JDP2: variants seen among roughly 807,000 people sequenced by gnomAD.
JDP2 encodes the protein Jun dimerization protein 2.
A neutral mutation model predicts 17.1 loss-of-function variants in JDP2; 9 were observed. The ratio of observed to expected loss-of-function variants is 0.53; its 90% CI spans 0.32 to 0.92. The LOEUF is 0.92. Among genes scored for constraint, JDP2 ranks in the 40% least tolerant of loss-of-function variants. JDP2 has a pLI of 0.04. For missense variants in JDP2, 179 were observed against 220.0 expected (o/e 0.81, Z 1.18); for synonymous variants, 107 against 95.6 (o/e 1.12, Z -0.69).
At chr14:75,441,571 G>A (rs141607459) in intron 2 of JDP2, among the ~76,000 whole-genome samples, 1 of 152,320 alleles carries the variant, frequency 6.6e-6, no homozygotes, top group Non-Finnish European at 1.5e-5. Context: ...GATATATAAG[G>A]TGAGTTAGTG....
At position 75,469,648 on chromosome 14, in the gene JDP2, A is replaced by T. The variant is rs1293166202; in HGVS notation, c.*173A>T. Reference sequence around the variant, plus strand: ...TTTGTGAAACTCAGATCAGCCACCCAGGAGGAAGAGCGGGCTGAGGAAACC... The same window carrying T: ...TTTGTGAAACTCAGATCAGCCACCCTGGAGGAAGAGCGGGCTGAGGAAACC... On this transcript the variant is annotated 3_prime_UTR_variant, in exon 4 of 4. Coordinates refer to ENST00000651602, the MANE Select transcript of JDP2 (RefSeq NM_001135048.2). The T allele has an allele frequency of 1.6e-6, 1 of 616,174 alleles. No individual in the cohort carries two copies. The highest frequency in any genetic ancestry group is 2.8e-6 in the Non-Finnish European group (1 of 357,202). The allele number at this position is 616,174 out of a possible 1,614,324, so 38.2% of individuals were successfully genotyped here.
intron 2 of JDP2, among the ~76,000 whole-genome samples, chr14:75,440,457 C>T (rs898260256): frequency 6.6e-6 from 1 of 152,224 alleles, no homozygotes; most frequent in Non-Finnish European, 1.5e-5. Flanking sequence ...GGCAAACTGC[C>T]TTGAGCGGAT....
chr14:75,447,165 G>A (rs544749442), intron 2 of JDP2, among the ~76,000 whole-genome samples: 7 of 152,336 alleles, frequency 4.6e-5, no homozygotes, highest in African/African-American at 1.4e-4. Flanking sequence ...TGGTCTGAGT[G>A]GGGCTGGCAG....
At position 75,461,540 on chromosome 14, in the gene JDP2, C is replaced by T; in HGVS notation, c.306+10C>T. The T allele has an allele frequency of 6.3e-7, 1 of 1,588,530 alleles. No individual in the cohort carries two copies. The highest frequency in any genetic ancestry group is 8.6e-7 in the Non-Finnish European group (1 of 1,168,626). On this transcript the variant is annotated intron_variant, in intron 3 of 3. Coordinates refer to ENST00000651602, the MANE Select transcript of JDP2 (RefSeq NM_001135048.2). ...GGAGTTTCTGCAGCGGGTGAGCTGA[C>T]CGGGTGGGTGGGGAGGCCTGCCATT...
intron 2 of JDP2, chr14:75,445,379 G>T: frequency 1.0e-6 from 1 of 985,452 alleles, no homozygotes; most frequent in African/African-American, 1.7e-5. Flanking sequence ...ACTGTGCTCT[G>T]CTCTGTGGCT....
chr14:75,444,128 T>C (rs1885486272), intron 2 of JDP2, among the ~76,000 whole-genome samples: 1 of 152,166 alleles, frequency 6.6e-6, no homozygotes, highest in Non-Finnish European at 1.5e-5. Flanking sequence ...GTTTTTGGAC[T>C]CCTGGGCTCA....
chr14:75,433,213 A>T (rs1219011122), intron 1 of JDP2, among the ~76,000 whole-genome samples: 1 of 144,352 alleles, frequency 6.9e-6, no homozygotes, highest in African/African-American at 2.6e-5. Context: ...AAAAAAAAAA[A>T]AAAAAAAAAA....
At position 75,441,838 on chromosome 14, in the gene JDP2, T is replaced by C. The variant is rs147413424; in HGVS notation, c.201+3717T>C. Among the ~76,000 whole-genome samples, 37 of 152,342 alleles carry C rather than the reference T, an allele frequency of 2.4e-4. No homozygotes were observed. In the East Asian group the frequency reaches 6.9e-3, roughly 29 times the overall value. ...GGACTCCTCCACCAACCAGTCCCTA[T>C]TGGCCTGAAGATCTTGGCCCTTCCC... On this transcript the variant is annotated intron_variant, in intron 2 of 3. Coordinates refer to ENST00000651602, the MANE Select transcript of JDP2 (RefSeq NM_001135048.2).
rs1009468353 is a variant in JDP2 at position 75,459,517 on chromosome 14, C to T, written c.202-1909C>T. Among the ~76,000 whole-genome samples the T allele has an allele frequency of 2.6e-5, 4 of 152,172 alleles. No individual in the cohort carries two copies. In the South Asian group the frequency reaches 6.2e-4, roughly 24 times the overall value. The stretch of plus-strand genomic sequence containing the variant: ...GGGGCTGCCCTGCCAAGGCCTGTGC[C>T]GATGGCCATGGTGCTGGTCTCGGGC... On this transcript the variant is annotated intron_variant, in intron 2 of 3. Coordinates refer to ENST00000651602, the MANE Select transcript of JDP2 (RefSeq NM_001135048.2).
At chr14:75,433,287 A>C (rs1292914660) in intron 1 of JDP2, among the ~76,000 whole-genome samples, 1 of 145,390 alleles carries the variant, frequency 6.9e-6, no homozygotes, top group African/African-American at 2.5e-5. Context: ...AATGGCAAAA[A>C]CCGTGATTAC....
Position 75,454,357 on chromosome 14 carries a change from T to C in JDP2, c.202-7069T>C, listed in dbSNP as rs189742866. On this transcript the variant is annotated intron_variant, in intron 2 of 3. Coordinates refer to ENST00000651602, the MANE Select transcript of JDP2 (RefSeq NM_001135048.2). ...AAAGACCTGGATACGAGTCCTGCGCTGTCACTGAGCATCTACGCAGCCTTG... is the reference window on the plus strand; with the variant it reads ...AAAGACCTGGATACGAGTCCTGCGCCGTCACTGAGCATCTACGCAGCCTTG... Among the ~76,000 whole-genome samples the C allele has an allele frequency of 1.4e-4, 22 of 152,376 alleles. No homozygotes were observed. In the East Asian group the frequency reaches 4.2e-3, roughly 29 times the overall value.
At chr14:75,431,538 G>A (rs1884797525) in intron 1 of JDP2, among the ~76,000 whole-genome samples, 1 of 152,252 alleles carries the variant, frequency 6.6e-6, no homozygotes, top group African/African-American at 2.4e-5. Flanking sequence ...ATGGCACCTT[G>A]TTGCCAGTGT....
At chr14:75,449,973 A>G (rs576804648) in intron 2 of JDP2, among the ~76,000 whole-genome samples, 1 of 152,282 alleles carries the variant, frequency 6.6e-6, no homozygotes, top group East Asian at 1.9e-4. Flanking sequence ...GCTGTTCTCC[A>G]CTGGTTTTTG....
chr14:75,458,267 C>T (rs1301004511), intron 2 of JDP2, among the ~76,000 whole-genome samples: 1 of 152,184 alleles, frequency 6.6e-6, no homozygotes, highest in Non-Finnish European at 1.5e-5. Flanking sequence ...TTTCATCACC[C>T]AGGTTCTAAG....
Position 75,470,990 on chromosome 14 carries a change from A to G in JDP2, c.*1515A>G, listed in dbSNP as rs1886796850. On this transcript the variant is annotated 3_prime_UTR_variant, in exon 4 of 4. Coordinates refer to ENST00000651602, the MANE Select transcript of JDP2 (RefSeq NM_001135048.2). The stretch of plus-strand genomic sequence containing the variant: ...TTTACAGATGGTTTAACTGAGGCTC[A>G]GAGAAGGTAAGCGACTTATCCAAGG... 6.6e-6 allele frequency: 1 copy of G among 152,270 alleles called. No homozygotes were observed. The allele number at this position is 152,270 out of a possible 1,614,324, so 9.4% of individuals were successfully genotyped here.
chr14:75,468,064 C>T (rs1886646398), intron 3 of JDP2, among the ~76,000 whole-genome samples: 1 of 152,134 alleles, frequency 6.6e-6, no homozygotes. Context: ...CCTGGGGAGG[C>T]CGCTCCACCT....
At position 75,472,994 on chromosome 14, in the gene JDP2, C is replaced by T. The variant is rs574908169; in HGVS notation, c.*3519C>T. 1 of 152,340 alleles carries T rather than the reference C, an allele frequency of 6.6e-6. No homozygotes were observed. The allele number at this position is 152,340 out of a possible 1,614,324, so 9.4% of individuals were successfully genotyped here. A position where few individuals can be genotyped will look rare whatever the true frequency, so the allele number is the denominator to read the frequency against. On this transcript the variant is annotated 3_prime_UTR_variant, in exon 4 of 4. Coordinates refer to ENST00000651602, the MANE Select transcript of JDP2 (RefSeq NM_001135048.2). ...CTCTGCCCAGGGTTCCTATGAGAAT[C>T]AATCGAGTTGATGAATGCAACCATG...
chr14:75,441,006 G>A (rs553264216), intron 2 of JDP2, among the ~76,000 whole-genome samples: 1 of 152,338 alleles, frequency 6.6e-6, no homozygotes, highest in East Asian at 1.9e-4. Context: ...CCAGAGCTCT[G>A]TTGAGCTGGG....
Position 75,457,800 on chromosome 14 carries a change from A to C in JDP2, c.202-3626A>C, listed in dbSNP as rs555497432. Among the ~76,000 whole-genome samples, 11 of 152,342 alleles carry C rather than the reference A, an allele frequency of 7.2e-5. 1 individual carries two copies. In the South Asian group the frequency reaches 2.3e-3, roughly 32 times the overall value. On this transcript the variant is annotated intron_variant, in intron 2 of 3. Coordinates refer to ENST00000651602, the MANE Select transcript of JDP2 (RefSeq NM_001135048.2). ...CTCTGCCTTCAGCCAGTGTGCTTCT[A>C]GGGAAGGCAGGCTCCCAGCTTTGCT...
Sources: gnomAD v4.1 joint callset for allele counts (sites outside exome capture counted in the v4.1 genomes callset) on GRCh38, gnomAD v4.1.1 for gene constraint, MANE v1.5 for transcripts, NCBI Gene and HGNC (gene_info 2026-07-23, HGNC 2026-07-21) for gene names.